The following PLD5 variants were observed in gnomAD, a reference collection of about 807,000 sequenced individuals.
PLD5 encodes the protein phospholipase D family member 5, also known as inactive phospholipase D5.
In PLD5, 36 loss-of-function variants were observed where a neutral mutation model predicts 61.1. The ratio of observed to expected loss-of-function variants is 0.59; its 90% CI spans 0.45 to 0.78. The LOEUF is 0.78. PLD5 is among the 30% of genes least tolerant of loss of function. The pLI is 0.00. For synonymous variants in PLD5, 243 were observed against 242.8 expected, an observed-to-expected ratio of 1.00 and a Z score of -0.01; for missense variants, 515 against 644.4, an observed-to-expected ratio of 0.80 and a Z score of 2.17.
At position 242,254,863 on chromosome 1, in the gene PLD5, GAA is replaced by G. The variant is rs369494584; in HGVS notation, c.607+10472_607+10473del. On this transcript the variant is annotated intron_variant, in intron 4 of 9. Coordinates refer to ENST00000536534, the MANE Select transcript of PLD5 (RefSeq NM_001372062.1). ...TAATGTGGCCAAACGAGCATAGGAT[GAA>G]AAGTTTCTGCCTTGCTGCCAAATAT... is the stretch of plus-strand genomic sequence containing the variant. Among the ~76,000 whole-genome samples, 516 of 152,356 alleles carry G rather than the reference GAA, an allele frequency of 3.4e-3. 3 individuals are homozygous for G. Among genetic ancestry groups the G allele is most frequent in the African/African-American group, 0.012 (491 of 41,588 alleles).
intron 2 of PLD5, among the ~76,000 whole-genome samples, chr1:242,324,116 C>A (rs1219989798): frequency 1.3e-5 from 2 of 151,718 alleles, no homozygotes; most frequent in Non-Finnish European, 2.9e-5. Flanking sequence ...GTTTTACTCT[C>A]CCCTTCACAA....
chr1:242,165,396 A>T (rs889167777), intron 5 of PLD5, among the ~76,000 whole-genome samples: 1 of 151,872 alleles, frequency 6.6e-6, no homozygotes, highest in Non-Finnish European at 1.5e-5. Flanking sequence ...TGGGAAATTT[A>T]AAAAAGACTG....
At chr1:242,247,135 C>T (rs933159064) in intron 4 of PLD5, among the ~76,000 whole-genome samples, 2 of 151,878 alleles carry the variant, frequency 1.3e-5, no homozygotes, top group East Asian at 3.9e-4. Flanking sequence ...AGGCGCCCGC[C>T]ACCATGCCCG....
chr1:242,485,910 A>T (rs991402796), intron 1 of PLD5, among the ~76,000 whole-genome samples: 4 of 152,152 alleles, frequency 2.6e-5, no homozygotes, highest in African/African-American at 9.6e-5. Context: ...AAATAATGAC[A>T]CATATCTACA....
intron 1 of PLD5, among the ~76,000 whole-genome samples, chr1:242,379,233 C>T (rs888489602): frequency 1.6e-4 from 24 of 152,130 alleles, no homozygotes; most frequent in African/African-American, 4.8e-4. Flanking sequence ...CAGAGACTTG[C>T]GTACCCAGGT....
intron 1 of PLD5, among the ~76,000 whole-genome samples, chr1:242,458,951 G>T (rs1667028270): frequency 6.6e-6 from 1 of 152,118 alleles, no homozygotes; most frequent in Non-Finnish European, 1.5e-5. Flanking sequence ...GGGCTTCATT[G>T]CTATTACTGC....
chr1:242,504,118 C>A (rs1250978955), intron 1 of PLD5, among the ~76,000 whole-genome samples: 1 of 151,984 alleles, frequency 6.6e-6, no homozygotes, highest in African/African-American at 2.4e-5. Context: ...AAAAAATGTA[C>A]CTACCAGAAA....
At chr1:242,510,082 T>A (rs546986063) in intron 1 of PLD5, among the ~76,000 whole-genome samples, 1 of 152,182 alleles carries the variant, frequency 6.6e-6, no homozygotes, top group Non-Finnish European at 1.5e-5. Flanking sequence ...TTAGTATGAA[T>A]GAATGGGCTG....
intron 1 of PLD5, among the ~76,000 whole-genome samples, chr1:242,395,058 T>TGTATATATGA: frequency 9.5e-6 from 1 of 104,876 alleles, no homozygotes; most frequent in Non-Finnish European, 1.8e-5. Context: ...TATGAATATA[T>TGTATATATGA]ATGTATATAT....
At chr1:242,366,216 A>G (rs1306705978) in intron 1 of PLD5, among the ~76,000 whole-genome samples, 2 of 152,190 alleles carry the variant, frequency 1.3e-5, no homozygotes, top group Non-Finnish European at 2.9e-5. Flanking sequence ...TATGTATTTA[A>G]TGTCTTCTCT....
chr1:242,456,473 G>C (rs1212729485), intron 1 of PLD5, among the ~76,000 whole-genome samples: 5 of 152,124 alleles, frequency 3.3e-5, no homozygotes, highest in Non-Finnish European at 5.9e-5. Context: ...CTGCCCTAAA[G>C]AACTCTAAAA....
At chr1:242,486,518 C>T (rs1238532686) in intron 1 of PLD5, among the ~76,000 whole-genome samples, 1 of 152,216 alleles carries the variant, frequency 6.6e-6, no homozygotes, top group Non-Finnish European at 1.5e-5. Flanking sequence ...GAGATACCAT[C>T]TCACACCAGT....
At chr1:242,159,667 C>T (rs915673224) in intron 5 of PLD5, among the ~76,000 whole-genome samples, 2 of 152,018 alleles carry the variant, frequency 1.3e-5, no homozygotes, top group African/African-American at 2.4e-5. Flanking sequence ...GAGGGCTTTC[C>T]GTGTCCTTCC....
chr1:242,396,659 C>CTTTCT (rs901881727), intron 1 of PLD5, among the ~76,000 whole-genome samples: 7 of 120,412 alleles, frequency 5.8e-5, no homozygotes, highest in African/African-American at 2.0e-4. Context: ...TATTTTCTTT[C>CTTTCT]TTTCTTTTCT....
In PLD5 at chr1:242,369,269, A is replaced by T. The variant is rs368860296; in HGVS notation, c.190-21027T>A. On this transcript the variant is annotated intron_variant, in intron 1 of 9. Transcript: ENST00000536534. ...AACTGTAATGGGTGGAGGTTGGGGA[A>T]ATAGGCATTGGGTTAAAAATGCAAA... Among the ~76,000 whole-genome samples, 5 of 152,334 alleles carry T rather than the reference A, an allele frequency of 3.3e-5. No individual in the cohort carries two copies. The East Asian group carries it at 5.8e-4, about 18-fold the overall frequency.
At chr1:242,349,253 G>C (rs931193207) in intron 1 of PLD5, among the ~76,000 whole-genome samples, 1 of 152,158 alleles carries the variant, frequency 6.6e-6, no homozygotes, top group African/African-American at 2.4e-5. Flanking sequence ...AGAGACCAAG[G>C]ATTTATCACG....
intron 1 of PLD5, among the ~76,000 whole-genome samples, chr1:242,446,026 T>C (rs1236745470): frequency 1.3e-5 from 2 of 151,916 alleles, no homozygotes; most frequent in Non-Finnish European, 2.9e-5. Context: ...ATTAATGTAA[T>C]CTTCACGATG....
rs2261978 is a variant in PLD5 at position 242,276,643 on chromosome 1, C to T, written c.496-11195G>A. Among the ~76,000 whole-genome samples the T allele has an allele frequency of 7.6e-3, 1,152 of 151,218 alleles. 11 individuals are homozygous for T. The highest frequency in any genetic ancestry group is 0.012 in the Non-Finnish European group (845 of 67,834). On this transcript the variant is annotated intron_variant, in intron 3 of 9. Coordinates refer to ENST00000536534, the MANE Select transcript of PLD5 (RefSeq NM_001372062.1). ...TATCCCAAACCCAGAAGATAGCGGC[C>T]GCTTCATCTCTTCACAGATGTCCCA...
intron 1 of PLD5, among the ~76,000 whole-genome samples, chr1:242,516,533 G>A (rs561283915): frequency 5.3e-5 from 8 of 152,134 alleles, no homozygotes; most frequent in African/African-American, 1.9e-4. Context: ...AAATGAATAC[G>A]TATTTTAATG....
Sources: allele counts gnomAD v4.1 joint callset (sites outside exome capture counted in the v4.1 genomes callset), GRCh38; gene constraint gnomAD v4.1.1; transcripts MANE v1.5; gene names NCBI Gene and HGNC (gene_info 2026-07-23, HGNC 2026-07-21).